Variants in GNG7 observed in about 807,000 individuals in gnomAD.
The protein encoded by GNG7 is G protein subunit gamma 7, also known as guanine nucleotide-binding protein G(I)/G(S)/G(O) subunit gamma-7.
GNG7 carries 1 observed loss-of-function variant against 4.0 expected under a neutral mutation model. The observed-to-expected ratio is 0.25, with a 90% confidence interval of 0.09 to 1.18. The LOEUF (loss-of-function observed/expected upper bound fraction) is 1.18, where lower values mean the gene tolerates loss of function less well. Among genes scored for constraint, GNG7 ranks in the 50% most tolerant of loss-of-function variants. GNG7 has a pLI of 0.50. For synonymous variants in GNG7, 34 were observed against 36.9 expected (o/e 0.92, Z 0.29); for missense variants, 86 against 91.9 (o/e 0.94, Z 0.26).
chr19:2,625,193 C>T (rs900321282), intron 2 of GNG7, among the ~76,000 whole-genome samples: 16 of 152,140 alleles, frequency 1.1e-4, no homozygotes, highest in African/African-American at 3.4e-4. Flanking sequence ...CTCAGCCTCC[C>T]GAATAGCTGG....
At chr19:2,699,498 C>G (rs1303318617) in intron 1 of GNG7, among the ~76,000 whole-genome samples, 2 of 152,144 alleles carry the variant, frequency 1.3e-5, no homozygotes, top group Non-Finnish European at 2.9e-5. Context: ...CCTTACTTCT[C>G]CCCTCTCCGA....
At chr19:2,604,771 T>C (rs1981328367) in intron 2 of GNG7, among the ~76,000 whole-genome samples, 1 of 152,050 alleles carries the variant, frequency 6.6e-6, no homozygotes, top group South Asian at 2.1e-4. Context: ...GAACAAAGTG[T>C]GGTTTGTTTG....
chr19:2,666,840 G>T (rs1983323617), intron 1 of GNG7, among the ~76,000 whole-genome samples: 1 of 152,182 alleles, frequency 6.6e-6, no homozygotes, highest in South Asian at 2.1e-4. Context: ...TGCCCCCAAG[G>T]CCATTGGTTG....
intron 3 of GNG7, among the ~76,000 whole-genome samples, chr19:2,551,085 A>T (rs1197433094): frequency 6.6e-6 from 1 of 152,124 alleles, no homozygotes; most frequent in Non-Finnish European, 1.5e-5. Context: ...CGGCCTGGAG[A>T]CACCTGAGCC....
At position 2,609,360 on chromosome 19, in the gene GNG7, G is replaced by T. The variant is rs139296573; in HGVS notation, c.-78+36864C>A. On this transcript the variant is annotated intron_variant, in intron 2 of 4. Coordinates refer to ENST00000382159, the MANE Select transcript of GNG7 (RefSeq NM_052847.3). This position sits in a 1 kb window ranked among gnomAD's most constrained non-coding sequence, Gnocchi z 4.4. ...TTACACTAAAGTGTTATTTCATCTT[G>T]GTCGCTGAGGTTTTTTAGCGCCCCC... 6.6e-6 allele frequency among the ~76,000 whole-genome samples: 1 copy of T among 152,206 alleles called. No individual in the cohort carries two copies. Among genetic ancestry groups the T allele is most frequent in the African/African-American group, 2.4e-5 (1 of 41,524 alleles).
chr19:2,606,997 G>A (rs1981404855), intron 2 of GNG7, among the ~76,000 whole-genome samples: 2 of 151,884 alleles, frequency 1.3e-5, no homozygotes, highest in South Asian at 2.1e-4. Context: ...GAGGCGGGGG[G>A]ATCATTTGAG....
In GNG7 at chr19:2,529,342, G is replaced by A. The variant is rs535139976; in HGVS notation, c.-37-8617C>T. Among the ~76,000 whole-genome samples the A allele has an allele frequency of 1.1e-4, 17 of 151,894 alleles. No individual in the cohort carries two copies. The East Asian group carries it at 2.5e-3, about 22-fold the overall frequency. ...AGCGATTCTCTTGCCTCAGCCTCCCGGAGTAGCTGGGATTACAAGCATGCG... is the reference window on the plus strand; with the variant it reads ...AGCGATTCTCTTGCCTCAGCCTCCCAGAGTAGCTGGGATTACAAGCATGCG... On this transcript the variant is annotated intron_variant, in intron 3 of 4. Transcript: ENST00000382159.
At chr19:2,590,999 A>G (rs1980836369) in intron 2 of GNG7, among the ~76,000 whole-genome samples, 2 of 152,234 alleles carry the variant, frequency 1.3e-5, no homozygotes, top group Admixed American at 1.3e-4. Flanking sequence ...CTAGAATTCA[A>G]TATTTGCAAA....
chr19:2,536,298 G>A (rs1345259360), intron 3 of GNG7, among the ~76,000 whole-genome samples: 1 of 151,886 alleles, frequency 6.6e-6, no homozygotes, highest in Non-Finnish European at 1.5e-5. Context: ...GGCGCCTGTA[G>A]TCCCAGCTAC....
intron 1 of GNG7, among the ~76,000 whole-genome samples, chr19:2,675,207 C>T (rs968308467): frequency 2.6e-5 from 4 of 152,276 alleles, no homozygotes; most frequent in African/African-American, 9.6e-5. Context: ...GACGGATGCA[C>T]GCCAGAAATT....
At chr19:2,680,571 ATTTT>A (rs967188330) in intron 1 of GNG7, among the ~76,000 whole-genome samples, 2 of 126,008 alleles carry the variant, frequency 1.6e-5, no homozygotes, top group Non-Finnish European at 1.7e-5. Flanking sequence ...AAAATTTACA[ATTTT>A]TTTTTTTTTT....
At chr19:2,579,052 C>A (rs576328524) in intron 2 of GNG7, among the ~76,000 whole-genome samples, 1 of 152,236 alleles carries the variant, frequency 6.6e-6, no homozygotes, top group Non-Finnish European at 1.5e-5. Flanking sequence ...GAAAAAACAT[C>A]CCAAGAATGC....
At chr19:2,589,615 CCTCCCA>C (rs1980779989) in intron 2 of GNG7, among the ~76,000 whole-genome samples, 1 of 152,016 alleles carries the variant, frequency 6.6e-6, no homozygotes, top group Non-Finnish European at 1.5e-5. Flanking sequence ...CTGGTCCCCT[CCTCCCA>C]TGTCAGATGA....
chr19:2,511,893 G>A lies in GNG7; in HGVS notation c.*3129C>T, dbSNP rs62119930. ...GAGGGTTCTGGCTCCTTCCTGGAGA[G>A]AGGAGGGCAGGGGAGGCGGAGCTGG... is the stretch of plus-strand genomic sequence containing the variant. On this transcript the variant is annotated 3_prime_UTR_variant, in exon 5 of 5. Coordinates refer to ENST00000382159, the MANE Select transcript of GNG7 (RefSeq NM_052847.3). The surrounding 1 kb of genome is among the most constrained non-coding windows in gnomAD (Gnocchi z 6.3). 5.5e-3 allele frequency: 5,397 copies of A among 986,390 alleles called. 17 individuals carry two copies. Among genetic ancestry groups the A allele is most frequent in the Non-Finnish European group, 6.2e-3 (5,117 of 830,348 alleles). The allele number at this position is 986,390 out of a possible 1,614,324, so 61.1% of individuals were successfully genotyped here. A position where few individuals can be genotyped will look rare whatever the true frequency, so the allele number is the denominator to read the frequency against.
chr19:2,564,819 C>G (rs62123664), intron 2 of GNG7, among the ~76,000 whole-genome samples: 67,806 of 151,458 alleles, frequency 0.45, 15,717 homozygotes, highest in East Asian at 0.68. Context: ...CACAAAATGT[C>G]TGTTATTTAA....
intron 3 of GNG7, among the ~76,000 whole-genome samples, chr19:2,526,432 A>G (rs1978398733): frequency 8.4e-6 from 1 of 119,648 alleles, no homozygotes; most frequent in African/African-American, 3.5e-5. Flanking sequence ...ATAAACTTAT[A>G]CTATATTATA....
chr19:2,548,339 G>C (rs920596785), intron 3 of GNG7, among the ~76,000 whole-genome samples: 1 of 151,398 alleles, frequency 6.6e-6, no homozygotes, highest in Non-Finnish European at 1.5e-5. Flanking sequence ...AAATTTGCTG[G>C]GTGTGGTGGC....
chr19:2,670,031 AAAAAG>A (rs1568280286), intron 1 of GNG7, among the ~76,000 whole-genome samples: 1 of 151,710 alleles, frequency 6.6e-6, no homozygotes, highest in South Asian at 2.1e-4. Flanking sequence ...AAAAAGAAAG[AAAAAG>A]AAAAGGTGTG....
At chr19:2,599,126 G>A (rs893552203) in intron 2 of GNG7, among the ~76,000 whole-genome samples, 2 of 152,172 alleles carry the variant, frequency 1.3e-5, no homozygotes, top group South Asian at 4.1e-4. Flanking sequence ...CGCCTGGGGT[G>A]GGGGCGTGCC....
Sources: allele counts gnomAD v4.1 joint callset (sites outside exome capture counted in the v4.1 genomes callset), GRCh38; gene constraint gnomAD v4.1.1; non-coding constraint Gnocchi (gnomAD v3.1); transcripts MANE v1.5; gene names NCBI Gene and HGNC (gene_info 2026-07-23, HGNC 2026-07-21).